The following ZNF599 variants were observed in gnomAD, a reference collection of about 807,000 sequenced individuals.
The protein encoded by ZNF599 is zinc finger protein 599.
In ZNF599, 10 loss-of-function variants were observed where a neutral mutation model predicts 11.7. The observed-to-expected ratio is 0.86, with a 90% CI of 0.53 to 1.45. The LOEUF (loss-of-function observed/expected upper bound fraction) is 1.45, where lower values mean the gene tolerates loss of function less well. Among genes scored for constraint, ZNF599 ranks in the 40% most tolerant of loss-of-function variants. The pLI is 0.00. For missense variants in ZNF599, 688 were observed against 713.6 expected (o/e 0.96, Z 0.41); for synonymous variants, 232 against 253.2 (o/e 0.92, Z 0.79).
chr19:34,805,198 T>C, the ZNF599 span, among the ~76,000 whole-genome samples: 7 of 41,004 alleles, frequency 1.7e-4, no homozygotes, highest in African/African-American at 3.9e-4. Context: ...AAGTGCTACC[T>C]TTTTTTTTTT....
At chr19:34,777,411 A>ATATATGC (rs1568497031), upstream of ZNF599, among the ~76,000 whole-genome samples, 96 of 90,340 alleles carry the variant, frequency 1.1e-3, no homozygotes, top group African/African-American at 4.2e-3. Context: ...ATTATATATA[A>ATATATGC]TATATATTAA....
In ZNF599 at chr19:34,772,814, C is replaced by G. The variant is rs1459045256; in HGVS notation, c.18+10G>C. 6.5e-7 allele frequency: 1 copy of G among 1,529,476 alleles called. No individual in the cohort carries two copies. The highest frequency in any genetic ancestry group is 1.4e-5 in the African/African-American group (1 of 71,142). 94.7% of individuals were successfully genotyped at this position (1,529,476 alleles called of 1,614,324 possible). On this transcript the variant is annotated intron_variant, in intron 1 of 3. Transcript: ENST00000329285. ...CCGAGCTCGCGCGGGCTGCGGAACCCTCCACTCACCAACGCCGGCGCCGCC... is the reference window on the plus strand; with the variant it reads ...CCGAGCTCGCGCGGGCTGCGGAACCGTCCACTCACCAACGCCGGCGCCGCC...
At chr19:34,781,892 G>A in the ZNF599 span, among the ~76,000 whole-genome samples, 1 of 152,238 alleles carries the variant, frequency 6.6e-6, no homozygotes, top group African/African-American at 2.4e-5. Context: ...GCAGTGGAGA[G>A]GGTGAGACAT....
At chr19:34,797,570 A>G in the ZNF599 span, among the ~76,000 whole-genome samples, 1 of 152,062 alleles carries the variant, frequency 6.6e-6, no homozygotes, top group Admixed American at 6.6e-5. Flanking sequence ...GCCAGTGATG[A>G]TGAGCATTTT....
At position 34,773,055 on chromosome 19, in the gene ZNF599, G is replaced by A; in HGVS notation, c.-214C>T. 1 of 552,550 alleles carries A rather than the reference G, an allele frequency of 1.8e-6. No homozygotes were observed. The highest frequency in any genetic ancestry group is 3.1e-6 in the Non-Finnish European group (1 of 323,068). The allele number at this position is 552,550 out of a possible 1,614,324, so 34.2% of individuals were successfully genotyped here. ...AAGGGTTTTGCAGACGCTTGTGGGG[G>A]TGGGATCGCGGCTGACATAAAAGCG... On this transcript the variant is annotated 5_prime_UTR_variant, in exon 1 of 4. Coordinates refer to ENST00000329285, the MANE Select transcript of ZNF599 (RefSeq NM_001007248.3).
At chr19:34,783,781 T>C in the ZNF599 span, among the ~76,000 whole-genome samples, 11 of 152,270 alleles carry the variant, frequency 7.2e-5, no homozygotes, top group African/African-American at 2.6e-4. Context: ...TCTTCTTCCT[T>C]AACCTCCCAG....
At chr19:34,777,464 ATTATATATTAAT>A (rs2069225902), upstream of ZNF599, among the ~76,000 whole-genome samples, 1 of 98,860 alleles carries the variant, frequency 1.0e-5, no homozygotes, top group African/African-American at 4.4e-5. Context: ...TATATAATAT[ATTATATATTAAT>A]TAATATATAA....
chr19:34,798,549 A>G, the ZNF599 span, among the ~76,000 whole-genome samples: 3 of 152,236 alleles, frequency 2.0e-5, no homozygotes, highest in Admixed American at 2.0e-4. Flanking sequence ...ATACATGTAT[A>G]GCAGTATCAG....
the ZNF599 span, among the ~76,000 whole-genome samples, chr19:34,785,201 CTT>C: frequency 6.6e-6 from 1 of 152,148 alleles, no homozygotes; most frequent in African/African-American, 2.4e-5. Flanking sequence ...ACCTAACCTC[CTT>C]GTCCTTCTTA....
At chr19:34,771,052 A>G (rs2069180648) in intron 1 of ZNF599, among the ~76,000 whole-genome samples, 1 of 152,116 alleles carries the variant, frequency 6.6e-6, no homozygotes, top group African/African-American at 2.4e-5. Flanking sequence ...AAGTGGGAAG[A>G]CTGTTTGAGT....
At chr19:34,778,874 A>T in the ZNF599 span, among the ~76,000 whole-genome samples, 2 of 152,246 alleles carry the variant, frequency 1.3e-5, no homozygotes, top group African/African-American at 4.8e-5. Flanking sequence ...AAAGGCAAAA[A>T]ATATGAATGG....
At chr19:34,803,301 G>A in the ZNF599 span, among the ~76,000 whole-genome samples, 5 of 152,178 alleles carry the variant, frequency 3.3e-5, no homozygotes, top group African/African-American at 1.2e-4. Context: ...TCTGTCCTTG[G>A]GGAAAAGGAA....
upstream of ZNF599, among the ~76,000 whole-genome samples, chr19:34,773,467 C>T (rs2069200040): frequency 6.6e-6 from 1 of 152,246 alleles, no homozygotes; most frequent in East Asian, 1.9e-4. Context: ...ATGACCCACT[C>T]TCAAATGTCT....
chr19:34,784,128 T>C, the ZNF599 span, among the ~76,000 whole-genome samples: 1 of 152,160 alleles, frequency 6.6e-6, no homozygotes, highest in African/African-American at 2.4e-5. Context: ...GGCCATGCTG[T>C]CTTCAGTAGT....
At position 34,759,964 on chromosome 19, in the gene ZNF599, T is replaced by C; in HGVS notation, c.837A>G (p.Gly279=). Residue 279 remains glycine, a synonymous_variant, in exon 4 of 4, where the codon GGA becomes GGG. Transcript: ENST00000329285. ...ATTCTTTGCACTCATAGGGCTTATC[T>C]CCGGTGTGAATACGCTGGTGCTCCG... ...HLTEHQRIHT[G]DKPYECKECG... is the part of the protein sequence containing the mutation. 6.2e-7 allele frequency: 1 copy of C among 1,614,202 alleles called. No individual in the cohort carries two copies. The highest frequency in any genetic ancestry group is 8.5e-7 in the Non-Finnish European group (1 of 1,180,034).
upstream of ZNF599, among the ~76,000 whole-genome samples, chr19:34,778,206 T>C (rs2069230779): frequency 6.6e-6 from 1 of 152,032 alleles, no homozygotes; most frequent in Admixed American, 6.6e-5. Context: ...ATCTATAATA[T>C]TAAACACCTA....
chr19:34,777,167 A>G (rs2069219221), upstream of ZNF599, among the ~76,000 whole-genome samples: 1 of 148,894 alleles, frequency 6.7e-6, no homozygotes, highest in Non-Finnish European at 1.5e-5. Flanking sequence ...ATTCTTAGAT[A>G]TGATACCAAA....
At chr19:34,782,965 C>G in the ZNF599 span, among the ~76,000 whole-genome samples, 291 of 152,286 alleles carry the variant, frequency 1.9e-3, no homozygotes, top group African/African-American at 6.5e-3. Flanking sequence ...ACTCTCCTCC[C>G]CAACTTCCCA....
the ZNF599 span, among the ~76,000 whole-genome samples, chr19:34,793,798 G>C: frequency 6.6e-6 from 1 of 152,186 alleles, no homozygotes. Flanking sequence ...TTGCTGGCTA[G>C]CTATATTTAT....
Sources: allele counts gnomAD v4.1 joint callset (sites outside exome capture counted in the v4.1 genomes callset), GRCh38; gene constraint gnomAD v4.1.1; transcripts MANE v1.5; gene names NCBI Gene and HGNC (gene_info 2026-07-23, HGNC 2026-07-21).